FBXO34: variants seen among roughly 807,000 people sequenced by gnomAD.
FBXO34 encodes F-box only protein 34.
A neutral mutation model predicts 24.5 loss-of-function variants in FBXO34; 12 were observed. The ratio of observed to expected loss-of-function variants is 0.49; its 90% CI spans 0.31 to 0.79. FBXO34 has a LOEUF of 0.79. Among genes scored for constraint, FBXO34 ranks in the 30% least tolerant of loss-of-function variants. FBXO34 has a pLI of 0.04. For missense variants in FBXO34, 823 were observed against 857.7 expected (o/e 0.96, Z 0.51); for synonymous variants, 320 against 311.9 (o/e 1.03, Z -0.27).
intron 1 of FBXO34, among the ~76,000 whole-genome samples, chr14:55,283,944 A>ATGTGTGTGTGTGTG (rs71131258): frequency 0.035 from 4,976 of 142,422 alleles, 110 homozygotes; most frequent in Non-Finnish European, 0.049. Context: ...TTCTAAGACT[A>ATGTGTGTGTGTGTG]TGTGTGTGTG....
chr14:55,302,615 G>T (rs1882403290), intron 1 of FBXO34, among the ~76,000 whole-genome samples: 1 of 152,070 alleles, frequency 6.6e-6, no homozygotes, highest in East Asian at 1.9e-4. Context: ...CGGGGGCAGG[G>T]AAGTATGGAG....
the FBXO34 span, among the ~76,000 whole-genome samples, chr14:55,401,220 A>G: frequency 6.7e-6 from 1 of 149,774 alleles, no homozygotes; most frequent in Non-Finnish European, 1.5e-5. Context: ...CTGGCTACTG[A>G]TTTTTCTTGT....
At chr14:55,305,573 G>T (rs1336478211) in intron 1 of FBXO34, among the ~76,000 whole-genome samples, 1 of 150,950 alleles carries the variant, frequency 6.6e-6, no homozygotes. Context: ...GTGCGTGTCT[G>T]TAGTCCCCAG....
intron 1 of FBXO34, among the ~76,000 whole-genome samples, chr14:55,301,291 G>A (rs573680906): frequency 2.3e-4 from 35 of 152,198 alleles, no homozygotes; most frequent in African/African-American, 7.7e-4. Context: ...TCAAAAATTA[G>A]CCAGGTGTGG....
the FBXO34 span, chr14:55,433,743 G>C: frequency 6.2e-7 from 1 of 1,608,786 alleles, no homozygotes; most frequent in South Asian, 1.1e-5. Flanking sequence ...AACCAAAAGA[G>C]AATTAGCCTC....
At chr14:55,297,923 A>T (rs555273380) in intron 1 of FBXO34, among the ~76,000 whole-genome samples, 10 of 152,350 alleles carry the variant, frequency 6.6e-5, no homozygotes, top group African/African-American at 2.2e-4. Flanking sequence ...CAAAACAAAC[A>T]CTGACCGTCC....
chr14:55,376,244 G>A, the FBXO34 span, among the ~76,000 whole-genome samples: 1 of 152,208 alleles, frequency 6.6e-6, no homozygotes, highest in Non-Finnish European at 1.5e-5. Context: ...GGCAAGTAAA[G>A]TGGTTGGCCT....
At chr14:55,290,142 A>G (rs1174324470) in intron 1 of FBXO34, among the ~76,000 whole-genome samples, 1 of 152,114 alleles carries the variant, frequency 6.6e-6, no homozygotes, top group Non-Finnish European at 1.5e-5. Flanking sequence ...CTGTAATCCC[A>G]GCACTTTGGG....
At chr14:55,280,486 C>T (rs1486133356) in intron 1 of FBXO34, among the ~76,000 whole-genome samples, 2 of 149,120 alleles carry the variant, frequency 1.3e-5, no homozygotes, top group South Asian at 2.1e-4. Context: ...GTAGAATGTG[C>T]GTAGGTTATA....
the FBXO34 span, among the ~76,000 whole-genome samples, chr14:55,425,562 G>C: frequency 4.6e-5 from 7 of 152,170 alleles, no homozygotes; most frequent in Non-Finnish European, 7.3e-5. Flanking sequence ...TCCAAAAGAA[G>C]GCTGAGGCAG....
chr14:55,302,355 C>T (rs768058808), intron 1 of FBXO34, among the ~76,000 whole-genome samples: 22 of 151,936 alleles, frequency 1.4e-4, no homozygotes, highest in Non-Finnish European at 2.6e-4. Flanking sequence ...TTTACCTCGC[C>T]TGGTTGTGTA....
Position 55,350,431 on chromosome 14 carries a change from A to AC in FBXO34, c.47dup (p.Glu17GlyfsTer19), listed in dbSNP as rs779434377. The AC allele has an allele frequency of 2.5e-6, 4 of 1,600,276 alleles. No individual in the cohort carries two copies. The South Asian group carries it at 3.4e-5, about 13-fold the overall frequency. On this transcript the variant is annotated frameshift_variant, in exon 2 of 2. Coordinates refer to ENST00000313833, the MANE Select transcript of FBXO34 (RefSeq NM_017943.4). LOFTEE classifies it low-confidence loss of function (END_TRUNC). ...TATTGGAAGCTCCAGAAGAAAGAGC[A>AC]CCCCCCGGAAGTCAGCAGGGAAACG...
At chr14:55,314,528 A>G (rs1158607470) in intron 1 of FBXO34, among the ~76,000 whole-genome samples, 1 of 125,998 alleles carries the variant, frequency 7.9e-6, no homozygotes, top group Admixed American at 7.5e-5. Flanking sequence ...CTGGGAATGG[A>G]TTGGGTATCA....
the FBXO34 span, chr14:55,424,336 T>TGCATATTAAAGC: frequency 1.2e-6 from 1 of 835,394 alleles, no homozygotes; most frequent in Non-Finnish European, 1.9e-6. Flanking sequence ...TATATTAAAG[T>TGCATATTAAAGC]GCATATTAAA....
intron 1 of FBXO34, among the ~76,000 whole-genome samples, chr14:55,320,795 A>T (rs1883105150): frequency 6.6e-6 from 1 of 152,202 alleles, no homozygotes; most frequent in Non-Finnish European, 1.5e-5. Flanking sequence ...AAAGTTGAAT[A>T]ATTTTAATGT....
At chr14:55,279,723 T>A (rs976720910) in intron 1 of FBXO34, among the ~76,000 whole-genome samples, 3 of 152,128 alleles carry the variant, frequency 2.0e-5, no homozygotes, top group African/African-American at 4.8e-5. Context: ...GAAATAGGAT[T>A]TGCTAATTAG....
chr14:55,407,790 T>C, the FBXO34 span, among the ~76,000 whole-genome samples: 2 of 151,988 alleles, frequency 1.3e-5, no homozygotes, highest in African/African-American at 2.4e-5. Context: ...AAATAATGAA[T>C]AGGGGAAAAG....
At chr14:55,440,323 C>G in the FBXO34 span, 1 of 1,568,252 alleles carries the variant, frequency 6.4e-7, no homozygotes, top group Admixed American at 1.9e-5. Flanking sequence ...TTAAGAGGAA[C>G]GAAGGCAAAG....
chr14:55,394,890 A>G, the FBXO34 span: 2 of 365,320 alleles, frequency 5.5e-6, no homozygotes, highest in Non-Finnish European at 1.1e-5. Flanking sequence ...ACTACTCAAT[A>G]TCCCACACTG....
Sources: gnomAD v4.1 joint callset for allele counts (sites outside exome capture counted in the v4.1 genomes callset) on GRCh38, gnomAD v4.1.1 for gene constraint, MANE v1.5 for transcripts, NCBI Gene and HGNC (gene_info 2026-07-23, HGNC 2026-07-21) for gene names.